TMEM132B: variants seen among roughly 807,000 people sequenced by gnomAD.
The protein encoded by TMEM132B is transmembrane protein 132B.
Under a neutral mutation model 90.8 loss-of-function variants are expected in TMEM132B, and 18 were observed. The ratio of observed to expected loss-of-function variants is 0.20; its 90% confidence interval spans 0.14 to 0.29. The LOEUF is 0.29. Among genes scored for constraint, TMEM132B ranks in the 10% least tolerant of loss-of-function variants. The pLI is 1.00. For synonymous variants in TMEM132B, 504 were observed against 523.3 expected, an observed-to-expected ratio of 0.96 and a Z score of 0.50; for missense variants, 1,096 against 1,326.8, an observed-to-expected ratio of 0.83 and a Z score of 2.70.
At chr12:125,473,456 T>A (rs1043106025) in intron 3 of TMEM132B, among the ~76,000 whole-genome samples, 15 of 152,392 alleles carry the variant, frequency 9.8e-5, no homozygotes, top group African/African-American at 3.1e-4. Flanking sequence ...GCTTGTTTTG[T>A]TTGCCACTGA....
intron 1 of TMEM132B, among the ~76,000 whole-genome samples, chr12:125,306,988 C>T (rs1875988535): frequency 6.6e-6 from 1 of 152,206 alleles, no homozygotes; most frequent in African/African-American, 2.4e-5. Flanking sequence ...GACTTTGCAC[C>T]TATTTCCTCT....
intron 4 of TMEM132B, among the ~76,000 whole-genome samples, chr12:125,569,088 C>T (rs1884730223): frequency 6.6e-6 from 1 of 152,144 alleles, no homozygotes; most frequent in African/African-American, 2.4e-5. Flanking sequence ...ACAGTAGCTG[C>T]TCTGGGCATT....
intron 3 of TMEM132B, among the ~76,000 whole-genome samples, chr12:125,495,752 C>G (rs750004200): frequency 3.3e-5 from 5 of 152,146 alleles, no homozygotes; most frequent in African/African-American, 4.8e-5. Context: ...TGGCACTAAA[C>G]CCCTGCTGAG....
rs1351807885 is a variant in TMEM132B at position 125,251,341 on chromosome 12, C to A, written c.67+64475C>A. On this transcript the variant is annotated intron_variant, in intron 1 of 8. Transcript: ENST00000682704. The surrounding 1 kb of genome is among the most constrained non-coding windows in gnomAD (Gnocchi z 4.4). ...TGAAATAGCATTTTAGAAAAAAGAA[C>A]TGGATGGAAATGTATTTTGCGTCTT... Among the ~76,000 whole-genome samples the A allele has an allele frequency of 6.6e-6, 1 of 152,128 alleles. No individual in the cohort carries two copies. Among genetic ancestry groups the A allele is most frequent in the Non-Finnish European group, 1.5e-5 (1 of 68,018 alleles).
intron 1 of TMEM132B, among the ~76,000 whole-genome samples, chr12:125,276,367 T>C (rs1353555827): frequency 1.3e-5 from 2 of 152,142 alleles, no homozygotes; most frequent in African/African-American, 2.4e-5. Context: ...GTGGGTCTGA[T>C]CACAGTGACC....
intron 3 of TMEM132B, among the ~76,000 whole-genome samples, chr12:125,418,358 A>G (rs1688254): frequency 0.49 from 74,580 of 151,858 alleles, 19,978 homozygotes; most frequent in African/African-American, 0.7. Context: ...AAAGGAGAAA[A>G]AGTGTCCTCT....
At chr12:125,520,584 C>G (rs1883283424) in intron 4 of TMEM132B, among the ~76,000 whole-genome samples, 1 of 152,200 alleles carries the variant, frequency 6.6e-6, no homozygotes, top group Non-Finnish European at 1.5e-5. Context: ...GGGTCCTTTT[C>G]CCCACCTCAA....
intron 5 of TMEM132B, among the ~76,000 whole-genome samples, chr12:125,632,294 T>TC (rs76864355): frequency 0.096 from 14,592 of 152,070 alleles, 1,162 homozygotes; most frequent in Admixed American, 0.27. Context: ...ATTAACATCA[T>TC]CCCCCCACTT....
chr12:125,538,468 T>G (rs1209769349), intron 4 of TMEM132B, among the ~76,000 whole-genome samples: 1 of 152,226 alleles, frequency 6.6e-6, no homozygotes, highest in Non-Finnish European at 1.5e-5. Flanking sequence ...ACATCTCAAG[T>G]GATCAGCTGT....
chr12:125,465,090 G>A (rs960874884), intron 3 of TMEM132B, among the ~76,000 whole-genome samples: 1 of 152,158 alleles, frequency 6.6e-6, no homozygotes, highest in Non-Finnish European at 1.5e-5. Context: ...AGCCTCTAAT[G>A]TTAATCCCTC....
intron 3 of TMEM132B, among the ~76,000 whole-genome samples, chr12:125,507,876 G>C (rs1882884291): frequency 6.6e-6 from 1 of 152,162 alleles, no homozygotes; most frequent in Non-Finnish European, 1.5e-5. Context: ...GAGAGTGTGG[G>C]AGTGGTGGTG....
intron 3 of TMEM132B, among the ~76,000 whole-genome samples, chr12:125,428,140 T>G (rs1880379035): frequency 6.6e-6 from 1 of 152,074 alleles, no homozygotes; most frequent in African/African-American, 2.4e-5. Flanking sequence ...TACAGGCATG[T>G]ACCATCATAC....
At chr12:125,590,918 C>T (rs915440315) in intron 5 of TMEM132B, among the ~76,000 whole-genome samples, 1 of 152,138 alleles carries the variant, frequency 6.6e-6, no homozygotes, top group African/African-American at 2.4e-5. Context: ...AGAGTTCCCA[C>T]CTAGGAGGTC....
At position 125,550,240 on chromosome 12, in the gene TMEM132B, A is replaced by G. The variant is rs1309010048; in HGVS notation, c.1293+30615A>G. On this transcript the variant is annotated intron_variant, in intron 4 of 8. Transcript: ENST00000682704. ...CATCCAGTGGGCTGCAGCCATACCC[A>G]CTCATGAGGGCTGAACCTCAGGCTG... Among the ~76,000 whole-genome samples the G allele has an allele frequency of 2.0e-5, 3 of 151,604 alleles. No homozygotes were observed. The East Asian group carries it at 5.8e-4, about 29-fold the overall frequency.
At chr12:125,398,911 A>G (rs73424784) in intron 2 of TMEM132B, among the ~76,000 whole-genome samples, 3,088 of 152,268 alleles carry the variant, frequency 0.02, 108 homozygotes, top group South Asian at 0.067. Context: ...TGGAGGCCCA[A>G]CTGGTGAAGA....
intron 3 of TMEM132B, among the ~76,000 whole-genome samples, chr12:125,447,407 T>C (rs1881036032): frequency 6.6e-6 from 1 of 152,224 alleles, no homozygotes; most frequent in African/African-American, 2.4e-5. Flanking sequence ...CTTTTATTTA[T>C]GAAAATCTAA....
At chr12:125,601,292 A>G (rs944282325) in intron 5 of TMEM132B, among the ~76,000 whole-genome samples, 9 of 152,232 alleles carry the variant, frequency 5.9e-5, no homozygotes, top group African/African-American at 2.2e-4. Flanking sequence ...TCAAATTAGA[A>G]CTAAGGATTA....
chr12:125,545,139 C>A (rs1262563560), intron 4 of TMEM132B, among the ~76,000 whole-genome samples: 1 of 152,162 alleles, frequency 6.6e-6, no homozygotes, highest in Non-Finnish European at 1.5e-5. Flanking sequence ...AATCAAGTGA[C>A]CCCAGGCTGC....
At chr12:125,412,538 G>A (rs1879879342) in intron 2 of TMEM132B, among the ~76,000 whole-genome samples, 2 of 152,202 alleles carry the variant, frequency 1.3e-5, no homozygotes, top group Admixed American at 1.3e-4. Context: ...GCCAGAACCA[G>A]CTGTGTGACC....
Sources: allele counts gnomAD v4.1 joint callset (sites outside exome capture counted in the v4.1 genomes callset), GRCh38; gene constraint gnomAD v4.1.1; non-coding constraint Gnocchi (gnomAD v3.1); transcripts MANE v1.5; gene names NCBI Gene and HGNC (gene_info 2026-07-23, HGNC 2026-07-21).